ROBO1: variants seen among roughly 807,000 people sequenced by gnomAD.
ROBO1 encodes roundabout guidance receptor 1.
ROBO1 carries 149 observed loss-of-function variants against 195.9 expected under a neutral mutation model. The ratio of observed to expected loss-of-function variants is 0.76; its 90% CI spans 0.67 to 0.87. ROBO1 has a LOEUF of 0.87. ROBO1 is among the 40% of genes least tolerant of loss of function. The probability of loss-of-function intolerance (pLI) is 0.00; values close to 1 mark genes in which losing one functional copy is unlikely to be tolerated. For missense variants in ROBO1, 1,933 were observed against 2,068.3 expected (o/e 0.93, Z 1.27); for synonymous variants, 816 against 733.2 (o/e 1.11, Z -1.82).
chr3:78,916,077 C>T (rs1309947871), intron 4 of ROBO1, among the ~76,000 whole-genome samples: 4 of 151,264 alleles, frequency 2.6e-5, no homozygotes, highest in Non-Finnish European at 5.9e-5. Flanking sequence ...CAGTGAAACC[C>T]CGTCTCTACT....
intron 2 of ROBO1, among the ~76,000 whole-genome samples, chr3:79,577,394 G>A (rs1943521284): frequency 6.6e-6 from 1 of 151,998 alleles, no homozygotes; most frequent in Admixed American, 6.6e-5. Context: ...TGTGTTTAGC[G>A]AAGAGTTTTT....
chr3:79,072,997 A>T (rs1464382685), intron 3 of ROBO1, among the ~76,000 whole-genome samples: 2 of 152,014 alleles, frequency 1.3e-5, no homozygotes, highest in Admixed American at 6.6e-5. Flanking sequence ...ATGAAAACTG[A>T]ATGTCTGACA....
At chr3:79,356,853 T>TC (rs1419829468) in intron 2 of ROBO1, among the ~76,000 whole-genome samples, 2 of 152,146 alleles carry the variant, frequency 1.3e-5, no homozygotes, top group African/African-American at 4.8e-5. Flanking sequence ...AACTAGAATT[T>TC]CCCTGAGTTA....
chr3:79,186,874 G>A (rs2081449502), intron 2 of ROBO1, among the ~76,000 whole-genome samples: 1 of 152,106 alleles, frequency 6.6e-6, no homozygotes, highest in African/African-American at 2.4e-5. Flanking sequence ...GATTTCCTCG[G>A]ACTGACTGCT....
chr3:79,600,126 T>A (rs1025650007), intron 1 of ROBO1, among the ~76,000 whole-genome samples: 3 of 152,046 alleles, frequency 2.0e-5, no homozygotes, highest in Admixed American at 6.6e-5. Flanking sequence ...ATATTGTTCA[T>A]TTCATCATTC....
At chr3:79,264,352 T>C (rs1403752352) in intron 2 of ROBO1, among the ~76,000 whole-genome samples, 4 of 151,998 alleles carry the variant, frequency 2.6e-5, no homozygotes, top group Non-Finnish European at 2.9e-5. Context: ...TATGTATGTA[T>C]CTTTTTTCAA....
chr3:79,230,518 A>G (rs566492433), intron 2 of ROBO1, among the ~76,000 whole-genome samples: 10 of 151,988 alleles, frequency 6.6e-5, no homozygotes, highest in Non-Finnish European at 1.2e-4. Context: ...ATGTAAAGTA[A>G]GCAAAGACTA....
At chr3:78,619,823 G>A (rs1376311483) in intron 26 of ROBO1, among the ~76,000 whole-genome samples, 1 of 151,830 alleles carries the variant, frequency 6.6e-6, no homozygotes, top group Non-Finnish European at 1.5e-5. Flanking sequence ...TTTGAGACCA[G>A]CCTGGCCAAC....
chr3:79,748,324 C>T (rs1393571361), intron 1 of ROBO1, among the ~76,000 whole-genome samples: 1 of 152,076 alleles, frequency 6.6e-6, no homozygotes, highest in African/African-American at 2.4e-5. Context: ...AATACTGTTA[C>T]AAATATTTTT....
chr3:79,242,699 T>A (rs1350533110), intron 2 of ROBO1, among the ~76,000 whole-genome samples: 1 of 152,326 alleles, frequency 6.6e-6, no homozygotes, highest in African/African-American at 2.4e-5. Flanking sequence ...ATTGATAACC[T>A]GAAGCTGGTT....
chr3:78,699,956 T>A (rs546360608), intron 8 of ROBO1, among the ~76,000 whole-genome samples: 12 of 152,328 alleles, frequency 7.9e-5, no homozygotes, highest in African/African-American at 2.4e-4. Flanking sequence ...ATGCTACCTA[T>A]TTTCATAGCA....
rs146359143 is a variant in ROBO1, at chr3:79,721,027, C to T, written c.-51+46725G>A. On this transcript the variant is annotated intron_variant, in intron 1 of 30. Transcript: ENST00000464233. ...CACGATGGTCTCGATCTCCTGACCTCGTGATCCACCCGCCTTGGCCTCCCA... is the reference window on the plus strand; with the variant it reads ...CACGATGGTCTCGATCTCCTGACCTTGTGATCCACCCGCCTTGGCCTCCCA... Among the ~76,000 whole-genome samples, 1,425 of 152,238 alleles carry T rather than the reference C, an allele frequency of 9.4e-3. 13 individuals are homozygous for T. The highest frequency in any genetic ancestry group is 0.034 in the Middle Eastern group (10 of 294).
chr3:79,342,363 A>G (rs998547688), intron 2 of ROBO1, among the ~76,000 whole-genome samples: 18 of 152,226 alleles, frequency 1.2e-4, no homozygotes, highest in African/African-American at 3.9e-4. Flanking sequence ...TGTGAATAGA[A>G]TAAGTCTGAA....
chr3:78,605,485 G>A (rs1186879524), intron 29 of ROBO1, among the ~76,000 whole-genome samples: 1 of 152,104 alleles, frequency 6.6e-6, no homozygotes, highest in African/African-American at 2.4e-5. Flanking sequence ...TACAAATTAG[G>A]GTTTGGTTTT....
intron 4 of ROBO1, among the ~76,000 whole-genome samples, chr3:78,756,874 T>C (rs532070430): frequency 6.6e-6 from 1 of 152,046 alleles, no homozygotes; most frequent in Non-Finnish European, 1.5e-5. Flanking sequence ...TATAGAATCA[T>C]AACTTTTTTA....
intron 2 of ROBO1, among the ~76,000 whole-genome samples, chr3:79,272,343 G>C (rs1365495771): frequency 6.6e-6 from 1 of 152,046 alleles, no homozygotes; most frequent in Non-Finnish European, 1.5e-5. Context: ...ACAGCTGGGA[G>C]ATGATGGAGC....
chr3:78,597,408 T>G lies in ROBO1; in HGVS notation c.*1505A>C, dbSNP rs543969062. The G allele has an allele frequency of 2.6e-5, 4 of 152,708 alleles. No homozygotes were observed. The highest frequency in any genetic ancestry group is 9.6e-5 in the African/African-American group (4 of 41,574). 9.5% of individuals were successfully genotyped at this position (152,708 alleles called of 1,614,324 possible). A position where few individuals can be genotyped will look rare whatever the true frequency, so the allele number is the denominator to read the frequency against. On this transcript the variant is annotated 3_prime_UTR_variant, in exon 31 of 31. Coordinates refer to ENST00000464233, the MANE Select transcript of ROBO1 (RefSeq NM_002941.4). Reference sequence around the variant, plus strand: ...GTACTGCACGCCTTTTCTATGGAACTTTTTCAAATTATCTAAATGAACAAG... The same window carrying G: ...GTACTGCACGCCTTTTCTATGGAACGTTTTCAAATTATCTAAATGAACAAG...
intron 27 of ROBO1, among the ~76,000 whole-genome samples, chr3:78,615,849 T>C (rs1051516687): frequency 2.6e-5 from 4 of 152,226 alleles, no homozygotes; most frequent in African/African-American, 9.6e-5. Flanking sequence ...TGGATATTCA[T>C]ATTAACTTCA....
At chr3:79,276,636 T>TA (rs1372758984) in intron 2 of ROBO1, among the ~76,000 whole-genome samples, 1 of 151,770 alleles carries the variant, frequency 6.6e-6, no homozygotes, top group African/African-American at 2.4e-5. Flanking sequence ...ATATAAAGTT[T>TA]AAAAAACTTC....
Sources: gnomAD v4.1 joint callset for allele counts (sites outside exome capture counted in the v4.1 genomes callset) on GRCh38, gnomAD v4.1.1 for gene constraint, MANE v1.5 for transcripts, NCBI Gene and HGNC (gene_info 2026-07-23, HGNC 2026-07-21) for gene names.